UNC45A: variants seen among roughly 807,000 people sequenced by gnomAD.
The protein encoded by UNC45A is protein unc-45 homolog A.
Under a neutral mutation model 103.2 loss-of-function variants are expected in UNC45A, and 78 were observed. The observed-to-expected ratio is 0.76, with a 90% CI of 0.63 to 0.91. UNC45A has a LOEUF of 0.91. UNC45A is among the 40% of genes least tolerant of loss of function. UNC45A has a pLI of 0.00. For missense variants in UNC45A, 1,193 were observed against 1,224.8 expected, an observed-to-expected ratio of 0.97 and a Z score of 0.39; for synonymous variants, 495 against 504.6, an observed-to-expected ratio of 0.98 and a Z score of 0.25.
At chr15:90,932,119 G>C (rs776700535), upstream of UNC45A, 2 of 1,583,876 alleles carry the variant, frequency 1.3e-6, no homozygotes, top group East Asian at 2.2e-5. Flanking sequence ...ACCTGACGGG[G>C]AGGGGCAAAG....
intron 19 of UNC45A, 22 bp from the exon 20 acceptor site, chr15:90,953,437 A>G (rs765547509): frequency 6.2e-7 from 1 of 1,612,214 alleles, no homozygotes; most frequent in Non-Finnish European, 8.5e-7. Flanking sequence ...CAGGGGTCAT[A>G]TCTACCCTGT....
rs1301817910 is a variant in UNC45A at position 90,936,867 on chromosome 15, CAT to C, written c.426+408_426+409del. On this transcript the variant is annotated intron_variant, in intron 4 of 19. Coordinates refer to ENST00000418476, the MANE Select transcript of UNC45A (RefSeq NM_018671.5). ...AACCTTGTCCACGTGCACAAGTAGA[CAT>C]GTGTATGTTTATTTCAGCCTTTTTT... Among the ~76,000 whole-genome samples the C allele has an allele frequency of 8.5e-5, 13 of 152,302 alleles. No homozygotes were observed. In the East Asian group the frequency reaches 2.3e-3, roughly 27 times the overall value.
chr15:90,948,479 C>T, intron 12 of UNC45A, 175 bp from the exon 13 acceptor site: 1 of 1,269,796 alleles, frequency 7.9e-7, no homozygotes, highest in Non-Finnish European at 1.1e-6. Flanking sequence ...CTTGGAGGAG[C>T]TGGGGAGGTC....
intron 6 of UNC45A, 113 bp downstream of exon 6, chr15:90,940,586 C>T: frequency 7.3e-7 from 1 of 1,362,798 alleles, no homozygotes; most frequent in Non-Finnish European, 1.0e-6. Context: ...TCCATCCATC[C>T]ACTCTTCCAC....
At chr15:90,949,025 C>CAGCCTGGCTAATTTA (rs1456598799) in intron 13 of UNC45A, among the ~76,000 whole-genome samples, 70 of 151,994 alleles carry the variant, frequency 4.6e-4, no homozygotes, top group Non-Finnish European at 8.7e-4. Flanking sequence ...TACAGGTGCC[C>CAGCCTGGCTAATTTA]GCCACCATGC....
intron 7 of UNC45A, 122 bp from the exon 8 acceptor site, chr15:90,942,790 A>G: frequency 6.7e-7 from 1 of 1,488,200 alleles, no homozygotes; most frequent in Non-Finnish European, 9.1e-7. Flanking sequence ...GCTGGAGCTC[A>G]GTCTGGAGCC....
chr15:90,937,205 G>C lies in UNC45A; in HGVS notation c.426+745G>C, dbSNP rs1201013310. Reference sequence around the variant, plus strand: ...TACCAAAACCTAAAAAGTTAGCTGGGTGTGGTGGCACACCCTTGTAGTCCC... The same window carrying C: ...TACCAAAACCTAAAAAGTTAGCTGGCTGTGGTGGCACACCCTTGTAGTCCC... On this transcript the variant is annotated intron_variant, in intron 4 of 19. Transcript: ENST00000418476. Among the ~76,000 whole-genome samples the C allele has an allele frequency of 2.0e-5, 3 of 152,244 alleles. No homozygotes were observed. In the East Asian group the frequency reaches 5.8e-4, roughly 30 times the overall value.
At chr15:90,949,856 T>C in intron 15 of UNC45A, 136 bp downstream of exon 15, 1 of 970,360 alleles carries the variant, frequency 1.0e-6, no homozygotes. Flanking sequence ...ACCGTCCCGC[T>C]GAGAGAGTGA....
At chr15:90,951,473 T>G (rs937501261) in intron 17 of UNC45A, among the ~76,000 whole-genome samples, 8 of 152,148 alleles carry the variant, frequency 5.3e-5, no homozygotes, top group Admixed American at 4.6e-4. Context: ...GGGTAAATAC[T>G]CAAATGAGGC....
At chr15:90,933,843 C>T (rs558795335), upstream of UNC45A, 112 of 390,396 alleles carry the variant, frequency 2.9e-4, no homozygotes, top group African/African-American at 1.9e-3. Context: ...GCAGGCCCCA[C>T]GTTTTCCAAC....
At chr15:90,938,235 T>A (rs770976687) in intron 4 of UNC45A, among the ~76,000 whole-genome samples, 14 of 152,164 alleles carry the variant, frequency 9.2e-5, no homozygotes, top group Admixed American at 2.0e-4. Context: ...CTGTTCATAT[T>A]TTTTTAATAA....
upstream of UNC45A, chr15:90,934,847 G>A (rs1428263448): frequency 7.2e-6 from 3 of 418,412 alleles, no homozygotes; most frequent in Non-Finnish European, 1.3e-5. Flanking sequence ...GGAGTCCTGA[G>A]CTTTCTCCGG....
chr15:90,940,234 G>GC, intron 5 of UNC45A, 72 bp from the exon 6 acceptor site: 1 of 1,517,876 alleles, frequency 6.6e-7, no homozygotes, highest in Non-Finnish European at 8.9e-7. Context: ...AGGGCTCGGG[G>GC]CCCCTGCTCA....
chr15:90,943,835 C>A (rs919565392), intron 8 of UNC45A, among the ~76,000 whole-genome samples: 1 of 151,778 alleles, frequency 6.6e-6, no homozygotes, highest in Non-Finnish European at 1.5e-5. Context: ...ATTATAGGCA[C>A]GCATCAGTAT....
At chr15:90,949,807 T>G in intron 15 of UNC45A, 87 bp downstream of exon 15, 1 of 1,369,298 alleles carries the variant, frequency 7.3e-7, no homozygotes, top group African/African-American at 1.4e-5. Context: ...GAGCTGGGTG[T>G]TAGATATGGA....
chr15:90,940,109 C>G (rs1417521557), intron 5 of UNC45A, among the ~76,000 whole-genome samples, 197 bp from the exon 6 acceptor site: 1 of 152,230 alleles, frequency 6.6e-6, no homozygotes, highest in Non-Finnish European at 1.5e-5. Context: ...CTCATTTGCT[C>G]TAACCATCAA....
chr15:90,947,430 T>C (rs1567158217), intron 10 of UNC45A: 1 of 292,584 alleles, frequency 3.4e-6, no homozygotes, highest in Admixed American at 4.4e-5. Context: ...CATAAGGATT[T>C]GGCTGTGGCT....
chr15:90,942,301 GTGT>G, intron 6 of UNC45A, 133 bp from the exon 7 acceptor site: 1 of 991,074 alleles, frequency 1.0e-6, no homozygotes, highest in East Asian at 2.4e-5. Context: ...CATCCATTCT[GTGT>G]TGTTTTCACC....
At chr15:90,940,508 T>A in intron 6 of UNC45A, 35 bp downstream of exon 6, 2 of 1,584,696 alleles carry the variant, frequency 1.3e-6, no homozygotes, top group South Asian at 2.3e-5. Context: ...ACAGCTTCAG[T>A]CCCTTTGTCT....
Sources: gnomAD v4.1 joint callset for allele counts (sites outside exome capture counted in the v4.1 genomes callset) on GRCh38, gnomAD v4.1.1 for gene constraint, MANE v1.5 for transcripts, NCBI Gene and HGNC (gene_info 2026-07-23, HGNC 2026-07-21) for gene names.